The following CASQ2 variants were observed in gnomAD, a reference collection of about 807,000 sequenced individuals.
CASQ2 encodes the protein calsequestrin-2.
Under a neutral mutation model 46.5 loss-of-function variants are expected in CASQ2, and 49 were observed. The observed-to-expected ratio is 1.05, with a 90% CI of 0.84 to 1.34. CASQ2 has a LOEUF of 1.34. Among genes scored for constraint, CASQ2 ranks in the 40% most tolerant of loss-of-function variants. CASQ2 has a pLI of 0.00. For missense variants in CASQ2, 486 were observed against 481.3 expected (o/e 1.01, Z -0.09); for synonymous variants, 174 against 168.5 (o/e 1.03, Z -0.25).
chr1:115,761,471 A>AGGGGAAGGG (rs1648947984), intron 1 of CASQ2, among the ~76,000 whole-genome samples: 1 of 14,516 alleles, frequency 6.9e-5, no homozygotes, highest in East Asian at 3.2e-3. Context: ...AAGGAGAAGA[A>AGGGGAAGGG]GAAGAAGAAG....
chr1:115,766,744 C>T (rs989778283), intron 1 of CASQ2, among the ~76,000 whole-genome samples: 2 of 151,994 alleles, frequency 1.3e-5, no homozygotes, highest in South Asian at 2.1e-4. Flanking sequence ...TGGGCCGGCA[C>T]CCACTGTGAA....
rs1557806784 is a variant in CASQ2 at position 115,761,476 on chromosome 1, AAGAAGAAGAAGGAGAAGAAGG to A, written c.234+6811_234+6831del. ...GAAGAAGAAGAAGGAGAAGAAGAAG[AAGAAGAAGAAGGAGAAGAAGG>A]AGAAGAAGAAGAAGAAGAAGAAGAA... On this transcript the variant is annotated intron_variant, in intron 1 of 10. Coordinates refer to ENST00000261448, the MANE Select transcript of CASQ2 (RefSeq NM_001232.4). 3.0e-3 allele frequency among the ~76,000 whole-genome samples: 31 copies of A among 10,220 alleles called. 4 individuals carry two copies. The highest frequency in any genetic ancestry group is 6.4e-3 in the African/African-American group (21 of 3,294). 6.7% of individuals were successfully genotyped at this position (10,220 alleles called of 152,430 possible). A position where few individuals can be genotyped will look rare whatever the true frequency, so the allele number is the denominator to read the frequency against.
At chr1:115,739,283 A>T (rs4839473) in intron 3 of CASQ2, among the ~76,000 whole-genome samples, 3,991 of 149,026 alleles carry the variant, frequency 0.027, 91 homozygotes, top group East Asian at 0.098. Context: ...AAGTTTTTTT[A>T]TTTTTGTATT....
At chr1:115,763,454 G>A (rs1649029387) in intron 1 of CASQ2, among the ~76,000 whole-genome samples, 1 of 152,108 alleles carries the variant, frequency 6.6e-6, no homozygotes. Flanking sequence ...AAGAGGAGGA[G>A]CAAATCAAAC....
intron 7 of CASQ2, among the ~76,000 whole-genome samples, chr1:115,720,312 C>A (rs1006166357): frequency 6.6e-6 from 1 of 152,178 alleles, no homozygotes; most frequent in Non-Finnish European, 1.5e-5. Context: ...CTGCTGTGTC[C>A]TCACGGTGGA....
chr1:115,717,582 A>G (rs1654744562), intron 8 of CASQ2, among the ~76,000 whole-genome samples: 1 of 152,226 alleles, frequency 6.6e-6, no homozygotes, highest in African/African-American at 2.4e-5. Flanking sequence ...CCACTGACTC[A>G]GTGTGTTGGT....
intron 5 of CASQ2, among the ~76,000 whole-genome samples, chr1:115,730,039 T>G (rs1647733382): frequency 6.6e-6 from 1 of 152,218 alleles, no homozygotes; most frequent in Non-Finnish European, 1.5e-5. Context: ...TAACTGCTTC[T>G]TCAGAGAGGT....
intron 8 of CASQ2, among the ~76,000 whole-genome samples, chr1:115,711,593 AT>A (rs58007618): frequency 0.035 from 5,175 of 147,530 alleles, 282 homozygotes; most frequent in African/African-American, 0.12. Flanking sequence ...TCATTTTAAG[AT>A]TTTTTTTTTT....
intron 1 of CASQ2, among the ~76,000 whole-genome samples, chr1:115,752,637 C>T (rs1234867341): frequency 6.6e-6 from 1 of 152,116 alleles, no homozygotes. Context: ...CCTGCTTGAA[C>T]AGTGGGCTTA....
At chr1:115,753,486 A>C (rs1486322263) in intron 1 of CASQ2, among the ~76,000 whole-genome samples, 1 of 101,150 alleles carries the variant, frequency 9.9e-6, no homozygotes, top group Non-Finnish European at 2.2e-5. Flanking sequence ...CCTTTTAGAG[A>C]AGAGCTGAGA....
intron 9 of CASQ2, among the ~76,000 whole-genome samples, chr1:115,703,657 T>A (rs1654276884): frequency 6.6e-6 from 1 of 152,158 alleles, no homozygotes. Context: ...AGTCTGGGCA[T>A]GGTGGCTCAT....
rs917180844 is a variant in CASQ2, at chr1:115,700,605, C to G, written c.*636G>C. ...ATGATGGTGACACCTGTACACATTT[C>G]AAGCCCTCTCCATAGCCATCCAAAG... On this transcript the variant is annotated 3_prime_UTR_variant, in exon 11 of 11. Coordinates refer to ENST00000261448, the MANE Select transcript of CASQ2 (RefSeq NM_001232.4). 9 of 172,298 alleles carry G rather than the reference C, an allele frequency of 5.2e-5. 1 individual carries two copies. In the South Asian group the frequency reaches 1.1e-3, roughly 20 times the overall value. 10.7% of individuals were successfully genotyped at this position (172,298 alleles called of 1,614,324 possible).
chr1:115,730,048 G>T (rs1035302016), intron 5 of CASQ2, among the ~76,000 whole-genome samples: 1 of 152,302 alleles, frequency 6.6e-6, no homozygotes, highest in African/African-American at 2.4e-5. Flanking sequence ...CTTCAGAGAG[G>T]TTGGGCCTTC....
rs750480601 is a variant in CASQ2 at position 115,701,258 on chromosome 1, C to T, written c.1183G>A (p.Asp395Asn). The T allele has an allele frequency of 1.2e-6, 2 of 1,607,720 alleles. No individual in the cohort carries two copies. ...GAGTTGGGCTATTCATCATCATCGT[C>T]ATCACTGTCATCATTATCCTCTTCA... ...SDEEDNDDSD[D>N]DDDE is the part of the protein sequence containing the mutation. Residue 395 changes from aspartate (D) to asparagine (N), a missense_variant, in exon 11 of 11, where the codon GAC becomes AAC. Physicochemically the swap from Asp to Asn is conservative, Grantham distance 23. Transcript: ENST00000261448.
At chr1:115,754,819 A>T (rs1648703873) in intron 1 of CASQ2, among the ~76,000 whole-genome samples, 1 of 152,214 alleles carries the variant, frequency 6.6e-6, no homozygotes, top group Non-Finnish European at 1.5e-5. Context: ...AGTATCATGT[A>T]TACAAGTACG....
In CASQ2 at chr1:115,725,489, G is replaced by C. The variant is rs766861780; in HGVS notation, c.783+19C>G. On this transcript the variant is annotated intron_variant, in intron 7 of 10. Transcript: ENST00000261448. Reference sequence around the variant, plus strand: ...TATACTCATCTCTACAAGGCAAAGAGAGTTTGCCTCTTTCTTACCCATGTT... The same window carrying C: ...TATACTCATCTCTACAAGGCAAAGACAGTTTGCCTCTTTCTTACCCATGTT... 4.0e-5 allele frequency: 64 copies of C among 1,589,692 alleles called. No individual in the cohort carries two copies. The highest frequency in any genetic ancestry group is 9.9e-5 in the South Asian group (9 of 90,754).
chr1:115,746,634 T>C (rs191501778), intron 1 of CASQ2, among the ~76,000 whole-genome samples: 91 of 152,370 alleles, frequency 6.0e-4, no homozygotes, highest in Admixed American at 5.9e-3. Flanking sequence ...TGTTCTCTAC[T>C]ATGAAATGCC....
In CASQ2 at chr1:115,740,639, C is replaced by T. The variant is rs548665911; in HGVS notation, c.420+89G>A. 13 of 862,502 alleles carry T rather than the reference C, an allele frequency of 1.5e-5. No individual in the cohort carries two copies. The South Asian group carries it at 1.5e-4, about 10-fold the overall frequency. 53.4% of individuals were successfully genotyped at this position (862,502 alleles called of 1,614,324 possible). A position where few individuals can be genotyped will look rare whatever the true frequency, so the allele number is the denominator to read the frequency against. ...AACCTGTCACAGATGAGGCCAGGTT[C>T]TCCAGCTTGTCCTTTCTTTGGGGTT... On this transcript the variant is annotated intron_variant, in intron 3 of 10. Coordinates refer to ENST00000261448, the MANE Select transcript of CASQ2 (RefSeq NM_001232.4).
In CASQ2 at chr1:115,711,706, G is replaced by A. The variant is rs111386043; in HGVS notation, c.838+6134C>T. Among the ~76,000 whole-genome samples, 4 of 152,074 alleles carry A rather than the reference G, an allele frequency of 2.6e-5. 1 individual carries two copies. Among genetic ancestry groups the A allele is most frequent in the African/African-American group, 7.2e-5 (3 of 41,458 alleles). On this transcript the variant is annotated intron_variant, in intron 8 of 10. Transcript: ENST00000261448. Reference sequence around the variant, plus strand: ...GTCTCACTCTGTCACCGAGGCTGGAGTGCAATGGTGTGGTCTCGGCTCACT... The same window carrying A: ...GTCTCACTCTGTCACCGAGGCTGGAATGCAATGGTGTGGTCTCGGCTCACT...
Sources: gnomAD v4.1 joint callset for allele counts (sites outside exome capture counted in the v4.1 genomes callset) on GRCh38, gnomAD v4.1.1 for gene constraint, MANE v1.5 for transcripts, NCBI Gene and HGNC (gene_info 2026-07-23, HGNC 2026-07-21) for gene names.